Variants in CTNNAL1 observed in about 807,000 individuals in gnomAD.
CTNNAL1 encodes catenin alpha like 1, also known as alpha-catulin.
A neutral mutation model predicts 93.6 loss-of-function variants in CTNNAL1; 69 were observed. The ratio of observed to expected loss-of-function variants is 0.74; its 90% CI spans 0.61 to 0.90. The LOEUF (loss-of-function observed/expected upper bound fraction) is 0.90, where lower values mean the gene tolerates loss of function less well. Ranked by LOEUF, CTNNAL1 falls within the 40% of genes least tolerant of loss-of-function variation. The pLI, the probability that CTNNAL1 is intolerant of heterozygous loss-of-function variation, is 0.00. For missense variants in CTNNAL1, 836 were observed against 862.0 expected (o/e 0.97, Z 0.38); for synonymous variants, 286 against 305.4 (o/e 0.94, Z 0.66).
At chr9:108,989,346 G>A (rs926160418) in intron 4 of CTNNAL1, among the ~76,000 whole-genome samples, 1 of 152,120 alleles carries the variant, frequency 6.6e-6, no homozygotes, top group Non-Finnish European at 1.5e-5. Context: ...TGGGGAGAAT[G>A]AGGAGAAGAA....
chr9:108,952,238 A>G lies in CTNNAL1; in HGVS notation c.1806T>C (p.Ser602=). The change falls in exon 14 of 19, where the codon AGT becomes AGC. Residue 602 remains serine, a synonymous_variant. Transcript: ENST00000325551. ...EIVQYGRNMS[S]MAYSLYLFTR... is the part of the protein sequence containing the mutation. ...TAAATAAATACAGAGAATAGGCCAT[A>G]CTGGACATGTTCCGTCCATATTGAA... 1 of 1,613,534 alleles carries G rather than the reference A, an allele frequency of 6.2e-7. No individual in the cohort carries two copies. The highest frequency in any genetic ancestry group is 1.1e-5 in the South Asian group (1 of 90,990).
chr9:108,980,822 C>T (rs986956035), intron 6 of CTNNAL1, among the ~76,000 whole-genome samples: 13 of 151,892 alleles, frequency 8.6e-5, no homozygotes, highest in Non-Finnish European at 2.9e-5. Context: ...TTTTTATTTT[C>T]CCTTTAGAGA....
chr9:108,999,743 A>G (rs986446745), intron 1 of CTNNAL1, among the ~76,000 whole-genome samples: 1 of 152,204 alleles, frequency 6.6e-6, no homozygotes, highest in African/African-American at 2.4e-5. Context: ...TTAACTAGAT[A>G]CTTTAGAATG....
At chr9:108,988,054 T>A (rs1831670951) in intron 4 of CTNNAL1, among the ~76,000 whole-genome samples, 2 of 152,156 alleles carry the variant, frequency 1.3e-5, no homozygotes, top group Admixed American at 6.5e-5. Flanking sequence ...GGCCAGAACT[T>A]CCAACACTAT....
intron 7 of CTNNAL1, among the ~76,000 whole-genome samples, chr9:108,978,585 C>T (rs1484143128): frequency 6.6e-6 from 1 of 152,220 alleles, no homozygotes. Context: ...TGTCTCTCCA[C>T]TTTGCAATCC....
Position 108,999,089 on chromosome 9 carries a change from A to C in CTNNAL1, c.309T>G (p.Ala103=). The C allele has an allele frequency of 6.2e-7, 1 of 1,610,138 alleles. No individual in the cohort carries two copies. Among genetic ancestry groups the C allele is most frequent in the South Asian group, 1.1e-5 (1 of 89,642 alleles). Residue 103 remains alanine, a synonymous_variant, in exon 2 of 19, where the codon GCT becomes GCG. Transcript: ENST00000325551. ...TACCTGCTTGTTTAGCTTCAATACA[A>C]GCAATATTTATTTCTTCTTTCAAAT... The part of the protein sequence containing the change: ...NWDLKEEINI[A]CIEAKQAGET...
chr9:108,954,329 C>T (rs550238708), intron 12 of CTNNAL1, among the ~76,000 whole-genome samples: 1 of 152,290 alleles, frequency 6.6e-6, no homozygotes, highest in African/African-American at 2.4e-5. Flanking sequence ...GCTATGCTAT[C>T]CCTCAACTAA....
intron 8 of CTNNAL1, 31 bp from the exon 9 acceptor site, chr9:108,972,864 G>GGGGGGGGGGGGGGGCCCCCCCCCCCCC: frequency 2.8e-5 from 4 of 142,572 alleles, no homozygotes; most frequent in Non-Finnish European, 2.0e-5. Context: ...GGGGGGGTGG[G>GGGGGGGGGGGGGGGCCCCCCCCCCCCC]AGGGTGGAGA....
intron 8 of CTNNAL1, 31 bp from the exon 9 acceptor site, chr9:108,972,864 G>GGGGGGGGGGGCCCCCCC: frequency 3.0e-4 from 43 of 142,290 alleles, no homozygotes; most frequent in East Asian, 4.4e-4. Flanking sequence ...GGGGGGGTGG[G>GGGGGGGGGGGCCCCCCC]AGGGTGGAGA....
chr9:109,008,432 C>T (rs1827103243), intron 1 of CTNNAL1, among the ~76,000 whole-genome samples: 1 of 152,196 alleles, frequency 6.6e-6, no homozygotes, highest in African/African-American at 2.4e-5. Flanking sequence ...CAGGCGTGAG[C>T]CACCACGCCC....
intron 12 of CTNNAL1, among the ~76,000 whole-genome samples, chr9:108,954,060 T>C (rs559528632): frequency 6.6e-6 from 1 of 152,316 alleles, no homozygotes; most frequent in South Asian, 2.1e-4. Flanking sequence ...TTTTCATGAT[T>C]TTTATTTTTA....
At chr9:109,002,016 G>A (rs147635793) in intron 1 of CTNNAL1, among the ~76,000 whole-genome samples, 2,398 of 152,262 alleles carry the variant, frequency 0.016, 31 homozygotes, top group Non-Finnish European at 0.025. Flanking sequence ...AAAGAACTTC[G>A]AGCGAATAAA....
intron 11 of CTNNAL1, among the ~76,000 whole-genome samples, chr9:108,956,080 G>A: frequency 6.6e-6 from 1 of 152,282 alleles, no homozygotes; most frequent in African/African-American, 2.4e-5. Context: ...AGGGAGAAAG[G>A]CAAATGTCCC....
intron 8 of CTNNAL1, 31 bp from the exon 9 acceptor site, chr9:108,972,864 G>GGGGCCC: frequency 1.1e-4 from 15 of 142,490 alleles, no homozygotes; most frequent in Non-Finnish European, 1.4e-4. Context: ...GGGGGGGTGG[G>GGGGCCC]AGGGTGGAGA....
chr9:109,003,191 G>A (rs868621135), intron 1 of CTNNAL1, among the ~76,000 whole-genome samples: 1 of 152,186 alleles, frequency 6.6e-6, no homozygotes, highest in African/African-American at 2.4e-5. Context: ...CTCCCAAGAA[G>A]CCTAAAGATA....
At chr9:108,950,858 GA>G (rs11284622) in intron 14 of CTNNAL1, 80,475 of 353,026 alleles carry the variant, frequency 0.23, 9,763 homozygotes, top group South Asian at 0.37. Flanking sequence ...TAATTCTAGG[GA>G]TCATTTTTCA....
At chr9:108,992,122 T>G in intron 3 of CTNNAL1, 1 of 742,192 alleles carries the variant, frequency 1.3e-6, no homozygotes. Context: ...ATCAACTAGG[T>G]TTCTGCTACA....
intron 4 of CTNNAL1, among the ~76,000 whole-genome samples, chr9:108,988,441 A>T (rs1831681630): frequency 6.6e-6 from 1 of 152,144 alleles, no homozygotes; most frequent in Non-Finnish European, 1.5e-5. Flanking sequence ...TCAATAGATT[A>T]CTGTAATAGC....
At chr9:108,947,335 G>A (rs188938252) in intron 15 of CTNNAL1, among the ~76,000 whole-genome samples, 26 of 152,140 alleles carry the variant, frequency 1.7e-4, no homozygotes, top group East Asian at 1.2e-3. Context: ...AGATGGTCTC[G>A]ATCTCCTGAC....
Sources: gnomAD v4.1 joint callset for allele counts (sites outside exome capture counted in the v4.1 genomes callset) on GRCh38, gnomAD v4.1.1 for gene constraint, MANE v1.5 for transcripts, NCBI Gene and HGNC (gene_info 2026-07-23, HGNC 2026-07-21) for gene names.